TLL1: variants seen among roughly 807,000 people sequenced by gnomAD.
TLL1 encodes tolloid like 1.
TLL1 carries 49 observed loss-of-function variants against 128.2 expected under a neutral mutation model. The ratio of observed to expected loss-of-function variants is 0.38; its 90% CI spans 0.30 to 0.48. The LOEUF (loss-of-function observed/expected upper bound fraction) is 0.48, where lower values mean the gene tolerates loss of function less well. Ranked by LOEUF, TLL1 falls within the 20% of genes least tolerant of loss-of-function variation. TLL1 has a pLI of 0.96. For missense variants in TLL1, 1,123 were observed against 1,242.0 expected (o/e 0.90, Z 1.44); for synonymous variants, 454 against 418.8 (o/e 1.08, Z -1.03).
At position 165,928,603 on chromosome 4, in the gene TLL1, A is replaced by G. The variant is rs116518389; in HGVS notation, c.169+54530A>G. ...GCTTCTGTCTGTCTCGAACATGCAG[A>G]TCACTGAATAAAAATATTCTTTTTG... is the stretch of plus-strand genomic sequence containing the variant. On this transcript the variant is annotated intron_variant, in intron 1 of 20. Transcript: ENST00000061240. Among the ~76,000 whole-genome samples, 749 of 152,350 alleles carry G rather than the reference A, an allele frequency of 4.9e-3. 8 individuals carry two copies. The highest frequency in any genetic ancestry group is 0.016 in the African/African-American group (653 of 41,574).
rs1456327457 is a variant in TLL1, at chr4:166,057,269, G to T, written c.1806G>T (p.Glu602Asp). The T allele has an allele frequency of 6.2e-7, 1 of 1,613,924 alleles. No individual in the cohort carries two copies. The change falls in exon 14 of 21, where the codon GAG becomes GAT. Residue 602 changes from glutamate to aspartate, a missense_variant. Physicochemically the swap from Glu to Asp is conservative, Grantham distance 45. Transcript: ENST00000061240. ...TGGGCAGTTACCAGTGTGCCTGTGA[G>T]CCTGGCTATGAGCTGGGCCCAGACA... ...NTLGSYQCAC[E>D]PGYELGPDRR...
Position 166,055,169 on chromosome 4 carries a change from G to T in TLL1, c.1618G>T (p.Asp540Tyr). Residue 540 changes from aspartate to tyrosine, a missense_variant, in exon 13 of 21, where the codon GAC becomes TAC. Physicochemically the swap from Asp to Tyr is radical, Grantham distance 160. Around this residue, in one of 3 missense-constraint regions of TLL1, gnomAD observed 634 missense variants for 672.4 expected, o/e 0.94. Coordinates refer to ENST00000061240, the MANE Select transcript of TLL1 (RefSeq NM_012464.5). Reference sequence around the variant, plus strand: ...TTTGATAGGGCGTTTCTGTGGTTATGACAAACCTGAAGACATAAGATCTAC... The same window carrying T: ...TTTGATAGGGCGTTTCTGTGGTTATTACAAACCTGAAGACATAAGATCTAC... ...SPLIGRFCGY[D>Y]KPEDIRSTSN... 6.2e-7 allele frequency: 1 copy of T among 1,613,596 alleles called. No individual in the cohort carries two copies. The highest frequency in any genetic ancestry group is 8.5e-7 in the Non-Finnish European group (1 of 1,179,748).
chr4:165,912,590 T>G (rs569625358), intron 1 of TLL1, among the ~76,000 whole-genome samples: 1 of 152,338 alleles, frequency 6.6e-6, no homozygotes, highest in South Asian at 2.1e-4. Context: ...AAAAGAGCGC[T>G]TTCAGGCACA....
intron 19 of TLL1, among the ~76,000 whole-genome samples, chr4:166,093,398 A>G (rs1741869567): frequency 1.3e-5 from 2 of 152,198 alleles, no homozygotes; most frequent in Non-Finnish European, 1.5e-5. Context: ...CATAGGCCAG[A>G]TTTATGTTTC....
chr4:166,004,485 T>C (rs887810177), intron 6 of TLL1, among the ~76,000 whole-genome samples: 1 of 152,094 alleles, frequency 6.6e-6, no homozygotes, highest in African/African-American at 2.4e-5. Flanking sequence ...TATGTGCATA[T>C]ATATAAATGA....
intron 1 of TLL1, among the ~76,000 whole-genome samples, chr4:165,951,986 C>T (rs1022749754): frequency 1.3e-5 from 2 of 152,046 alleles, no homozygotes; most frequent in Middle Eastern, 3.4e-3. Context: ...TTATTTTTAC[C>T]CTTTTATTAT....
intron 1 of TLL1, among the ~76,000 whole-genome samples, chr4:165,899,464 T>C (rs1413299316): frequency 6.6e-6 from 1 of 152,202 alleles, no homozygotes; most frequent in East Asian, 1.9e-4. Context: ...TATTTCTGCC[T>C]TAATTTCGTT....
chr4:166,048,942 A>G (rs1027778639), intron 12 of TLL1, among the ~76,000 whole-genome samples: 1 of 152,216 alleles, frequency 6.6e-6, no homozygotes, highest in African/African-American at 2.4e-5. Flanking sequence ...GGTACTTGGT[A>G]GATTGCTTGT....
At chr4:165,886,916 A>G (rs1561006580) in intron 1 of TLL1, among the ~76,000 whole-genome samples, 1 of 152,210 alleles carries the variant, frequency 6.6e-6, no homozygotes, top group Non-Finnish European at 1.5e-5. Context: ...AAGTCCTGTG[A>G]TTTTCTTCCT....
chr4:165,986,513 G>A (rs953651963), intron 1 of TLL1, among the ~76,000 whole-genome samples: 6 of 151,962 alleles, frequency 3.9e-5, no homozygotes, highest in Non-Finnish European at 8.8e-5. Flanking sequence ...AATTGGCTTA[G>A]TCACTCACTA....
chr4:165,945,840 A>G (rs2110930696), intron 1 of TLL1, among the ~76,000 whole-genome samples: 1 of 152,116 alleles, frequency 6.6e-6, no homozygotes, highest in African/African-American at 2.4e-5. Context: ...TAATCCAGGT[A>G]CAGTACTGCT....
intron 1 of TLL1, among the ~76,000 whole-genome samples, chr4:165,891,246 A>G (rs1731389471): frequency 6.6e-6 from 1 of 152,118 alleles, no homozygotes; most frequent in Admixed American, 6.5e-5. Flanking sequence ...TGCCCTGGAG[A>G]CATTTTCCCC....
intron 4 of TLL1, 69 bp downstream of exon 4, chr4:165,994,602 T>A: frequency 6.4e-7 from 1 of 1,558,668 alleles, no homozygotes; most frequent in Non-Finnish European, 8.8e-7. Context: ...AGTGTCTATT[T>A]TTATAGAATA....
In TLL1 at chr4:165,995,117, G is replaced by C; in HGVS notation, c.571G>C (p.Val191Leu). 6.2e-7 allele frequency: 1 copy of C among 1,614,002 alleles called. No individual in the cohort carries two copies. The highest frequency in any genetic ancestry group is 8.5e-7 in the Non-Finnish European group (1 of 1,179,962). Residue 191 changes from valine (V) to leucine (L), a missense_variant, in exon 5 of 21, where the codon GTG (valine) becomes CTG (leucine). Physicochemically the swap from Val to Leu is conservative, Grantham distance 32 (BLOSUM62 1). Coordinates refer to ENST00000061240, the MANE Select transcript of TLL1 (RefSeq NM_012464.5). Reference sequence around the variant, plus strand: ...GAGGCACTGGGAAAAGCACACATGTGTGACTTTCATAGAAAGAAGTGATGA... The same window carrying C: ...GAGGCACTGGGAAAAGCACACATGTCTGACTTTCATAGAAAGAAGTGATGA... ...AMRHWEKHTC[V>L]TFIERSDEES...
intron 9 of TLL1, among the ~76,000 whole-genome samples, chr4:166,028,019 T>A (rs145710796): frequency 1.3e-5 from 2 of 152,232 alleles, no homozygotes; most frequent in African/African-American, 2.4e-5. Context: ...AAGAAGCCAG[T>A]GAACAATTTT....
intron 1 of TLL1, among the ~76,000 whole-genome samples, chr4:165,882,578 G>A (rs1170961992): frequency 6.6e-6 from 1 of 152,020 alleles, no homozygotes; most frequent in Non-Finnish European, 1.5e-5. Context: ...AACGGGTAAA[G>A]GAAATAATGA....
At chr4:166,091,021 A>G in intron 18 of TLL1, 107 bp from the exon 19 acceptor site, 3 of 839,944 alleles carry the variant, frequency 3.6e-6, no homozygotes, top group Admixed American at 2.4e-5. Context: ...TTAAATTATT[A>G]GTATGCCCTG....
chr4:166,026,257 C>T (rs1406552759), intron 9 of TLL1, among the ~76,000 whole-genome samples: 1 of 151,950 alleles, frequency 6.6e-6, no homozygotes, highest in Non-Finnish European at 1.5e-5. Flanking sequence ...GGCACTGTGG[C>T]ACACAGCTGT....
At position 165,906,066 on chromosome 4, in the gene TLL1, A is replaced by C. The variant is rs151231749; in HGVS notation, c.169+31993A>C. On this transcript the variant is annotated intron_variant, in intron 1 of 20. Transcript: ENST00000061240. ...CCCGATGCCTGTTTTGGCAAATAAA[A>C]GTTTCATTAAAAAAAGTTTTATTGG... 8.8e-3 allele frequency among the ~76,000 whole-genome samples: 1,335 copies of C among 152,278 alleles called. 21 individuals are homozygous for C. The highest frequency in any genetic ancestry group is 0.03 in the African/African-American group (1,255 of 41,552).
Sources: gnomAD v4.1 joint callset for allele counts (sites outside exome capture counted in the v4.1 genomes callset) on GRCh38, gnomAD v4.1.1 for gene constraint, gnomAD v4.1.1 regional missense constraint, MANE v1.5 for transcripts, NCBI Gene and HGNC (gene_info 2026-07-23, HGNC 2026-07-21) for gene names.